The following ZNF425 variants were observed in gnomAD, a reference collection of about 807,000 sequenced individuals.
ZNF425 encodes the protein zinc finger protein 425.
ZNF425 carries 21 observed loss-of-function variants against 17.0 expected under a neutral mutation model. The observed-to-expected ratio is 1.23, with a 90% confidence interval of 0.88 to 1.78. The LOEUF (loss-of-function observed/expected upper bound fraction) is 1.78, where lower values mean the gene tolerates loss of function less well. Ranked by LOEUF, ZNF425 falls within the 40% of genes most tolerant of loss-of-function variation. The pLI, the probability that ZNF425 is intolerant of heterozygous loss-of-function variation, is 0.00. For missense variants in ZNF425, 868 were observed against 967.3 expected, an observed-to-expected ratio of 0.90 and a Z score of 1.36; for synonymous variants, 433 against 384.1, an observed-to-expected ratio of 1.13 and a Z score of -1.49.
Position 149,104,913 on chromosome 7 carries a change from G to A in ZNF425, c.958C>T (p.His320Tyr). 6.2e-7 allele frequency: 1 copy of A among 1,613,618 alleles called. No homozygotes were observed. The highest frequency in any genetic ancestry group is 1.1e-5 in the South Asian group (1 of 91,018). ...AFVQQCELTE[H>Y]LRLHSGEKPF... Reference sequence around the variant, plus strand: ...TTCTCTCCGCTGTGCAGCCGCAAGTGCTCCGTGAGCTCGCACTGCTGCACG... The same window carrying A: ...TTCTCTCCGCTGTGCAGCCGCAAGTACTCCGTGAGCTCGCACTGCTGCACG... Residue 320 changes from histidine to tyrosine, a missense_variant, in exon 4 of 4, where the codon CAC becomes TAC. By Grantham distance (83) the His-to-Tyr change is moderately conservative (BLOSUM62 2). Around this residue, in one of 5 missense-constraint regions of ZNF425, gnomAD observed 243 missense variants for 265.2 expected, o/e 0.92. Transcript: ENST00000378061. This position sits in a 1 kb window ranked among gnomAD's most constrained non-coding sequence, Gnocchi z 4.3.
chr7:149,122,718 C>T (rs538589982), intron 1 of ZNF425, among the ~76,000 whole-genome samples: 144 of 151,812 alleles, frequency 9.5e-4, no homozygotes, highest in Non-Finnish European at 1.8e-3. Flanking sequence ...TTTTTGTACA[C>T]GGAGTCTCGT....
intron 2 of ZNF425, among the ~76,000 whole-genome samples, chr7:149,115,562 C>T (rs562901410): frequency 7.2e-5 from 11 of 151,838 alleles, no homozygotes; most frequent in East Asian, 2.0e-4. Flanking sequence ...TGGTGGCGCA[C>T]GCCTGTAATT....
In ZNF425 at chr7:149,104,960, C is replaced by T. The variant is rs779791045; in HGVS notation, c.911G>A (p.Cys304Tyr). Residue 304 changes from cysteine to tyrosine, a missense_variant, in exon 4 of 4, where the codon TGC becomes TAC. Cys to Tyr is a radical substitution (Grantham distance 194). Around this residue, in one of 5 missense-constraint regions of ZNF425, gnomAD observed 243 missense variants for 265.2 expected, o/e 0.92. Transcript: ENST00000378061. This position sits in a 1 kb window ranked among gnomAD's most constrained non-coding sequence, Gnocchi z 4.3. ...CLHRGERPFC[C>Y]GECGRAFVQQ... is the part of the protein sequence containing the mutation. ...CACGAAGGCCCGGCCGCACTCCCCG[C>T]AGCAGAACGGCCGCTCCCCGCGGTG... 6.2e-7 allele frequency: 1 copy of T among 1,614,106 alleles called. No homozygotes were observed. Among genetic ancestry groups the T allele is most frequent in the Non-Finnish European group, 8.5e-7 (1 of 1,180,044 alleles).
rs186623268 is a variant in ZNF425, at chr7:149,123,142, C to A, written c.18+3054G>T. On this transcript the variant is annotated intron_variant, in intron 1 of 3. Transcript: ENST00000378061. ...GATTGGCTCATGGACCATTAACCTACAACCTCTAGTATGGACTGAACTAAC... is the reference window on the plus strand; with the variant it reads ...GATTGGCTCATGGACCATTAACCTAAAACCTCTAGTATGGACTGAACTAAC... Among the ~76,000 whole-genome samples the A allele has an allele frequency of 1.2e-4, 18 of 152,316 alleles. No homozygotes were observed. In the East Asian group the frequency reaches 3.1e-3, roughly 26 times the overall value.
chr7:149,112,805 TATA>T (rs1826195598), intron 2 of ZNF425, among the ~76,000 whole-genome samples: 1 of 151,806 alleles, frequency 6.6e-6, no homozygotes, highest in Non-Finnish European at 1.5e-5. Context: ...TAGCTGGGAC[TATA>T]GGCATGCGCC....
chr7:149,123,538 T>C (rs1278361183), intron 1 of ZNF425, among the ~76,000 whole-genome samples: 1 of 152,190 alleles, frequency 6.6e-6, no homozygotes, highest in African/African-American at 2.4e-5. Context: ...TTATTTTCAT[T>C]TATTTATTTA....
intron 3 of ZNF425, among the ~76,000 whole-genome samples, chr7:149,111,269 C>G (rs1003018358): frequency 6.6e-6 from 1 of 150,780 alleles, no homozygotes; most frequent in Non-Finnish European, 1.5e-5. Flanking sequence ...GCCAATATGG[C>G]GAAACACTGT....
intron 1 of ZNF425, among the ~76,000 whole-genome samples, chr7:149,120,413 G>C (rs1826331443): frequency 6.6e-6 from 1 of 152,070 alleles, no homozygotes; most frequent in African/African-American, 2.4e-5. Flanking sequence ...TATATAAATG[G>C]AATCACATGG....
At chr7:149,108,616 G>A (rs961517363) in intron 3 of ZNF425, among the ~76,000 whole-genome samples, 1 of 152,124 alleles carries the variant, frequency 6.6e-6, no homozygotes, top group African/African-American at 2.4e-5. Flanking sequence ...TTCCAGGACT[G>A]GGTGTGGTGG....
chr7:149,112,402 G>C, intron 2 of ZNF425, 107 bp from the exon 3 acceptor site: 5 of 916,460 alleles, frequency 5.5e-6, no homozygotes, highest in South Asian at 3.4e-5. Context: ...GGGAGGCCAA[G>C]GCAGGCAGAT....
In ZNF425 at chr7:149,105,362, A is replaced by C. The variant is rs771994854; in HGVS notation, c.509T>G (p.Leu170Arg). 1 of 1,612,984 alleles carries C rather than the reference A, an allele frequency of 6.2e-7. No homozygotes were observed. The highest frequency in any genetic ancestry group is 1.7e-5 in the Admixed American group (1 of 59,722). Residue 170 changes from leucine (L) to arginine (R), a missense_variant, in exon 4 of 4, where the codon CTG becomes CGG. Coordinates refer to ENST00000378061, the MANE Select transcript of ZNF425 (RefSeq NM_001001661.3). Reference sequence around the variant, plus strand: ...TGGGGTCTCCCGAGGCTTATGCCGCAGGTCTTTCTTGTCTGGATCATATGC... The same window carrying C: ...TGGGGTCTCCCGAGGCTTATGCCGCCGGTCTTTCTTGTCTGGATCATATGC... ...ITAYDPDKKD[L>R]RHKPRETPGR...
At chr7:149,124,195 G>C (rs780345674) in intron 1 of ZNF425, among the ~76,000 whole-genome samples, 1 of 148,966 alleles carries the variant, frequency 6.7e-6, no homozygotes, top group Non-Finnish European at 1.5e-5. Context: ...CCCCTCTGTC[G>C]CCCAGGCTGG....
intron 2 of ZNF425, among the ~76,000 whole-genome samples, chr7:149,114,242 TTTG>T (rs1405082765): frequency 0.048 from 1,688 of 35,314 alleles, 34 homozygotes; most frequent in African/African-American, 0.078. Context: ...TTTTTTTTTT[TTTG>T]GTATTTTTAG....
chr7:149,111,596 A>AAAAAAAAAAAAAAAAAAAC, intron 3 of ZNF425, among the ~76,000 whole-genome samples: 1 of 31,334 alleles, frequency 3.2e-5, no homozygotes, highest in Non-Finnish European at 8.3e-5. Flanking sequence ...TGTCTAAAAA[A>AAAAAAAAAAAAAAAAAAAC]AAAAAAAAAA....
chr7:149,103,553 G>T lies in ZNF425; in HGVS notation c.*59C>A. On this transcript the variant is annotated 3_prime_UTR_variant, in exon 4 of 4. Coordinates refer to ENST00000378061, the MANE Select transcript of ZNF425 (RefSeq NM_001001661.3). ...AATCCTTCAACCTGCCTCAACTTGAGCCAACAGAGCTGCTGGCACCTCCTG... is the reference window on the plus strand; with the variant it reads ...AATCCTTCAACCTGCCTCAACTTGATCCAACAGAGCTGCTGGCACCTCCTG... The T allele has an allele frequency of 6.6e-7, 1 of 1,522,502 alleles. No homozygotes were observed. 94.3% of individuals were successfully genotyped at this position (1,522,502 alleles called of 1,614,324 possible).
At chr7:149,111,989 G>C (rs978170788) in intron 3 of ZNF425, 148 bp downstream of exon 3, 2 of 738,050 alleles carry the variant, frequency 2.7e-6, no homozygotes, top group East Asian at 5.8e-5. Context: ...GCCCACATTT[G>C]CTACCCTCTT....
Position 149,104,011 on chromosome 7 carries a change from G to A in ZNF425, c.1860C>T (p.Arg620=). 1 of 1,613,922 alleles carries A rather than the reference G, an allele frequency of 6.2e-7. No individual in the cohort carries two copies. The highest frequency in any genetic ancestry group is 1.1e-5 in the South Asian group (1 of 91,070). The part of the protein sequence containing the change: ...YQCPECEKTF[R]LKGNLKSHLL... ...GGTGGCTTTTCAGGTTTCCCTTGAG[G>A]CGGAAAGTCTTCTCGCATTCAGGAC... Residue 620 remains arginine, a synonymous_variant, in exon 4 of 4, where the codon CGC becomes CGT. Coordinates refer to ENST00000378061, the MANE Select transcript of ZNF425 (RefSeq NM_001001661.3). The surrounding 1 kb of genome is among the most constrained non-coding windows in gnomAD (Gnocchi z 4.3).
chr7:149,113,773 A>C (rs1969466), intron 2 of ZNF425, among the ~76,000 whole-genome samples: 1 of 151,152 alleles, frequency 6.6e-6, no homozygotes, highest in Non-Finnish European at 1.5e-5. Flanking sequence ...GGATGGTCTC[A>C]ATCTCCTGAC....
At chr7:149,121,451 G>C (rs1485874776) in intron 1 of ZNF425, among the ~76,000 whole-genome samples, 3 of 150,780 alleles carry the variant, frequency 2.0e-5, no homozygotes, top group Admixed American at 1.3e-4. Flanking sequence ...GAGTGCAGTG[G>C]TGTGATCTCG....
Sources: gnomAD v4.1 joint callset for allele counts (sites outside exome capture counted in the v4.1 genomes callset) on GRCh38, gnomAD v4.1.1 for gene constraint, gnomAD v4.1.1 regional missense constraint, Gnocchi (gnomAD v3.1) non-coding constraint, MANE v1.5 for transcripts, NCBI Gene and HGNC (gene_info 2026-07-23, HGNC 2026-07-21) for gene names.